IGF2BP2: variants seen among roughly 807,000 people sequenced by gnomAD.
IGF2BP2 encodes insulin-like growth factor 2 mRNA-binding protein 2.
IGF2BP2 carries 17 observed loss-of-function variants against 75.8 expected under a neutral mutation model. The ratio of observed to expected loss-of-function variants is 0.22; its 90% confidence interval spans 0.15 to 0.34. IGF2BP2 has a LOEUF of 0.34. IGF2BP2 is among the 10% of genes least tolerant of loss of function. The probability of loss-of-function intolerance (pLI) is 1.00; values close to 1 mark genes in which losing one functional copy is unlikely to be tolerated. For synonymous variants in IGF2BP2, 288 were observed against 295.6 expected (o/e 0.97, Z 0.26); for missense variants, 516 against 772.4 (o/e 0.67, Z 3.93).
At chr3:185,734,451 C>T (rs1728593704) in intron 2 of IGF2BP2, among the ~76,000 whole-genome samples, 1 of 150,242 alleles carries the variant, frequency 6.7e-6, no homozygotes, top group Admixed American at 6.6e-5. Flanking sequence ...AAAAATTCCA[C>T]AATCGTTCAG....
At chr3:185,824,694 G>A (rs1560530147) in intron 1 of IGF2BP2, 89 bp downstream of exon 1, 1 of 1,050,744 alleles carries the variant, frequency 9.5e-7, no homozygotes, top group Non-Finnish European at 1.2e-6. Context: ...CCGCCGCCGG[G>A]CGCCGCCCGC....
rs767969356 is a variant in IGF2BP2 at position 185,692,775 on chromosome 3, C to A, written c.341-13G>T. On this transcript the variant is annotated splice_polypyrimidine_tract_variant and intron_variant, in intron 4 of 15. Transcript: ENST00000382199. ...GTGTCTGTGTTGACTAGGGAAAAGG[C>A]AAAAACTACACTGTCATAGGAAAAA... 6.2e-7 allele frequency: 1 copy of A among 1,612,912 alleles called. No homozygotes were observed. The highest frequency in any genetic ancestry group is 8.5e-7 in the Non-Finnish European group (1 of 1,179,296).
intron 4 of IGF2BP2, 33 bp downstream of exon 4, chr3:185,696,579 C>T (rs773276728): frequency 6.3e-7 from 1 of 1,593,866 alleles, no homozygotes; most frequent in Non-Finnish European, 8.6e-7. Context: ...TAATATCTCT[C>T]TCCAAAACCC....
rs1215492963 is a variant in IGF2BP2, at chr3:185,645,072, T to C, written c.*459A>G. 1.3e-5 allele frequency: 2 copies of C among 155,508 alleles called. No individual in the cohort carries two copies. Among genetic ancestry groups the C allele is most frequent in the East Asian group, 1.9e-4 (1 of 5,314 alleles). The allele number at this position is 155,508 out of a possible 1,614,324, so 9.6% of individuals were successfully genotyped here. On this transcript the variant is annotated 3_prime_UTR_variant, in exon 16 of 16. Transcript: ENST00000382199. This position sits in a 1 kb window ranked among gnomAD's most constrained non-coding sequence, Gnocchi z 4.9. The stretch of plus-strand genomic sequence containing the variant: ...TATTATTTCTAAAATATATTACCGC[T>C]GCAGGCACCCTGTGTAACCCACAGG...
At chr3:185,748,665 G>A (rs952631676) in intron 2 of IGF2BP2, among the ~76,000 whole-genome samples, 2 of 152,104 alleles carry the variant, frequency 1.3e-5, no homozygotes, top group Non-Finnish European at 2.9e-5. Flanking sequence ...AGCCTGCACG[G>A]TGGCAACCCT....
intron 2 of IGF2BP2, among the ~76,000 whole-genome samples, chr3:185,727,052 C>T (rs549232578): frequency 1.0e-3 from 154 of 152,056 alleles, no homozygotes; most frequent in Admixed American, 3.3e-3. Flanking sequence ...AACCCCATCT[C>T]TACTAAAAAT....
At chr3:185,805,465 A>G (rs1195328349) in intron 2 of IGF2BP2, among the ~76,000 whole-genome samples, 1 of 152,188 alleles carries the variant, frequency 6.6e-6, no homozygotes, top group African/African-American at 2.4e-5. Flanking sequence ...ATTAAGGAGG[A>G]ATAATCAAGA....
intron 8 of IGF2BP2, 151 bp downstream of exon 8, chr3:185,675,640 T>C: frequency 8.9e-7 from 1 of 1,121,984 alleles, no homozygotes; most frequent in South Asian, 1.5e-5. Context: ...ACCTGGTAAG[T>C]ATTTATGTAT....
intron 11 of IGF2BP2, 82 bp from the exon 12 acceptor site, chr3:185,657,484 C>A (rs1162384732): frequency 9.7e-7 from 1 of 1,029,134 alleles, no homozygotes; most frequent in Non-Finnish European, 1.5e-6. Flanking sequence ...AAGCACCTTA[C>A]CATGAACCCC....
At chr3:185,802,008 T>A (rs1013682574) in intron 2 of IGF2BP2, among the ~76,000 whole-genome samples, 2 of 151,830 alleles carry the variant, frequency 1.3e-5, no homozygotes, top group African/African-American at 4.8e-5. Context: ...CACCAGGGCC[T>A]GTCAAGCAGT....
At chr3:185,658,758 C>T (rs1418825654) in intron 10 of IGF2BP2, among the ~76,000 whole-genome samples, 3 of 152,208 alleles carry the variant, frequency 2.0e-5, no homozygotes, top group Non-Finnish European at 4.4e-5. Context: ...TCTTAACCTG[C>T]CCTCGGGTGG....
chr3:185,704,258 G>T (rs946288163), intron 2 of IGF2BP2, among the ~76,000 whole-genome samples: 1 of 152,152 alleles, frequency 6.6e-6, no homozygotes, highest in Non-Finnish European at 1.5e-5. Flanking sequence ...CCCCTTTAGC[G>T]CTGCAGTCAG....
chr3:185,689,734 C>T (rs556743389), intron 5 of IGF2BP2, 107 bp from the exon 6 acceptor site: 24 of 1,266,544 alleles, frequency 1.9e-5, no homozygotes, highest in Non-Finnish European at 2.4e-5. Flanking sequence ...TTTGGGAGGC[C>T]GAGGCGGGTG....
intron 10 of IGF2BP2, among the ~76,000 whole-genome samples, chr3:185,659,437 G>A (rs976255750): frequency 5.9e-5 from 9 of 151,796 alleles, no homozygotes; most frequent in Non-Finnish European, 1.0e-4. Context: ...GAAGTGGCGC[G>A]ATCTCGGCTC....
At chr3:185,734,596 A>T (rs1042857919) in intron 2 of IGF2BP2, among the ~76,000 whole-genome samples, 2 of 152,204 alleles carry the variant, frequency 1.3e-5, no homozygotes, top group Middle Eastern at 3.2e-3. Flanking sequence ...CCTGGCAATT[A>T]TCTTTATAGG....
chr3:185,781,991 A>T lies in IGF2BP2; in HGVS notation c.239+41162T>A, dbSNP rs187458524. Among the ~76,000 whole-genome samples the T allele has an allele frequency of 1.2e-4, 18 of 152,298 alleles. No homozygotes were observed. The East Asian group carries it at 3.3e-3, about 28-fold the overall frequency. On this transcript the variant is annotated intron_variant, in intron 2 of 15. Coordinates refer to ENST00000382199, the MANE Select transcript of IGF2BP2 (RefSeq NM_006548.6). ...TTTTTTAGAATTGGGCAGAATATAT[A>T]TATTGTTTAAAAAATATGAATCAAG...
intron 7 of IGF2BP2, among the ~76,000 whole-genome samples, chr3:185,677,068 T>TATATATATAGAGAGAGAG: frequency 1.2e-3 from 42 of 35,854 alleles, no homozygotes; most frequent in African/African-American, 4.4e-3. Flanking sequence ...TATATATATA[T>TATATATATAGAGAGAGAG]AGAGAGAGAG....
At chr3:185,718,428 C>T (rs1052261048) in intron 2 of IGF2BP2, among the ~76,000 whole-genome samples, 2 of 152,098 alleles carry the variant, frequency 1.3e-5, no homozygotes, top group African/African-American at 4.8e-5. Flanking sequence ...TGGCTCGCGC[C>T]TGTAATTCCA....
intron 7 of IGF2BP2, among the ~76,000 whole-genome samples, chr3:185,681,030 C>T (rs1332023321): frequency 6.6e-6 from 1 of 152,154 alleles, no homozygotes; most frequent in Non-Finnish European, 1.5e-5. Flanking sequence ...AGACCAGGAA[C>T]AAGGCAAGGA....
Sources: gnomAD v4.1 joint callset for allele counts (sites outside exome capture counted in the v4.1 genomes callset) on GRCh38, gnomAD v4.1.1 for gene constraint, Gnocchi (gnomAD v3.1) non-coding constraint, MANE v1.5 for transcripts, NCBI Gene and HGNC (gene_info 2026-07-23, HGNC 2026-07-21) for gene names.